The following AGGF1 variants were observed in gnomAD, a reference collection of about 807,000 sequenced individuals.
AGGF1 encodes angiogenic factor with G patch and FHA domains 1.
In AGGF1, 56 loss-of-function variants were observed where a neutral mutation model predicts 86.5. The ratio of observed to expected loss-of-function variants is 0.65; its 90% confidence interval spans 0.52 to 0.81. The LOEUF (loss-of-function observed/expected upper bound fraction) is 0.81, where lower values mean the gene tolerates loss of function less well. Among genes scored for constraint, AGGF1 ranks in the 30% least tolerant of loss-of-function variants. The pLI, the probability that AGGF1 is intolerant of heterozygous loss-of-function variation, is 0.00. For missense variants in AGGF1, 816 were observed against 850.9 expected (o/e 0.96, Z 0.51); for synonymous variants, 313 against 297.1 (o/e 1.05, Z -0.55).
chr5:77,054,959 A>G (rs909276450), intron 10 of AGGF1, among the ~76,000 whole-genome samples: 4 of 152,144 alleles, frequency 2.6e-5, no homozygotes, highest in Non-Finnish European at 5.9e-5. Context: ...ACTGTAGGAT[A>G]TTACTGTTTT....
At chr5:77,032,182 G>T (rs1239252358) in intron 1 of AGGF1, among the ~76,000 whole-genome samples, 7 of 143,348 alleles carry the variant, frequency 4.9e-5, no homozygotes, top group Non-Finnish European at 1.1e-4. Context: ...GACATTATTG[G>T]AAAGTTTTTG....
chr5:77,040,849 GTTCTGTCC>G (rs1221032209), intron 5 of AGGF1, among the ~76,000 whole-genome samples: 1 of 151,992 alleles, frequency 6.6e-6, no homozygotes, highest in Admixed American at 6.6e-5. Context: ...GTCCTGTCCT[GTTCTGTCC>G]TTCTGTCCTG....
intron 4 of AGGF1, among the ~76,000 whole-genome samples, chr5:77,037,208 A>G (rs1037851039): frequency 1.3e-5 from 2 of 152,212 alleles, no homozygotes; most frequent in Non-Finnish European, 2.9e-5. Flanking sequence ...CTTTATGTAT[A>G]AAAATAACAG....
At chr5:77,052,849 T>A in intron 9 of AGGF1, 42 bp downstream of exon 9, 1 of 1,480,254 alleles carries the variant, frequency 6.8e-7, no homozygotes, top group Non-Finnish European at 9.4e-7. Context: ...ACATTATTTT[T>A]AAACTGATTT....
chr5:77,063,818 T>C lies in AGGF1; in HGVS notation c.*566T>C, dbSNP rs1747613332. 6.3e-6 allele frequency: 1 copy of C among 158,420 alleles called. No homozygotes were observed. The highest frequency in any genetic ancestry group is 1.4e-5 in the Non-Finnish European group (1 of 71,808). The allele number at this position is 158,420 out of a possible 1,614,324, so 9.8% of individuals were successfully genotyped here. A position where few individuals can be genotyped will look rare whatever the true frequency, so the allele number is the denominator to read the frequency against. On this transcript the variant is annotated 3_prime_UTR_variant, in exon 14 of 14. Transcript: ENST00000312916. Reference sequence around the variant, plus strand: ...CATATTGTAGAAAATTAGTCTTTCATTGTTTTCTTCTGTGAAGAATCTGTT... The same window carrying C: ...CATATTGTAGAAAATTAGTCTTTCACTGTTTTCTTCTGTGAAGAATCTGTT...
intron 11 of AGGF1, among the ~76,000 whole-genome samples, chr5:77,058,533 T>TTTAA (rs1344786158): frequency 6.6e-6 from 1 of 152,158 alleles, no homozygotes; most frequent in Non-Finnish European, 1.5e-5. Flanking sequence ...ATAGAAGACA[T>TTTAA]TTAAGGAGAG....
At chr5:77,041,186 A>G (rs1194519055) in intron 5 of AGGF1, among the ~76,000 whole-genome samples, 1 of 152,208 alleles carries the variant, frequency 6.6e-6, no homozygotes, top group Non-Finnish European at 1.5e-5. Flanking sequence ...GTATGTGACT[A>G]AAATACTAAA....
At position 77,030,578 on chromosome 5, in the gene AGGF1, C is replaced by T. The variant is rs954551226; in HGVS notation, c.-189C>T. 2 of 740,796 alleles carry T rather than the reference C, an allele frequency of 2.7e-6. No individual in the cohort carries two copies. Among genetic ancestry groups the T allele is most frequent in the South Asian group, 3.0e-5 (2 of 67,582 alleles). 45.9% of individuals were successfully genotyped at this position (740,796 alleles called of 1,614,324 possible). A position where few individuals can be genotyped will look rare whatever the true frequency, so the allele number is the denominator to read the frequency against. On this transcript the variant is annotated 5_prime_UTR_variant, in exon 1 of 14. Coordinates refer to ENST00000312916, the MANE Select transcript of AGGF1 (RefSeq NM_018046.5). ...GCAGGGGCCATCCTCGGTCCCCTTG[C>T]TCGTTGCTCGCAGCCCCGTTCGGCT...
At chr5:77,051,639 G>A (rs868725224) in intron 8 of AGGF1, among the ~76,000 whole-genome samples, 5 of 152,290 alleles carry the variant, frequency 3.3e-5, no homozygotes, top group Non-Finnish European at 7.4e-5. Flanking sequence ...AAACAGTTAT[G>A]TAGTAAAGTT....
chr5:77,062,566 A>G (rs1205630489), intron 13 of AGGF1, among the ~76,000 whole-genome samples: 3 of 152,204 alleles, frequency 2.0e-5, no homozygotes, highest in South Asian at 2.1e-4. Flanking sequence ...TAAGCATTGT[A>G]CCTTACATTA....
chr5:77,064,297 G>A lies in AGGF1; in HGVS notation c.*1045G>A, dbSNP rs113215682. 34,518 of 152,092 alleles carry A rather than the reference G, an allele frequency of 0.23. 4,486 individuals are homozygous for A. The highest frequency in any genetic ancestry group is 0.29 in the Non-Finnish European group (19,511 of 67,954). 9.4% of individuals were successfully genotyped at this position (152,092 alleles called of 1,614,324 possible). On this transcript the variant is annotated 3_prime_UTR_variant, in exon 14 of 14. Coordinates refer to ENST00000312916, the MANE Select transcript of AGGF1 (RefSeq NM_018046.5). ...TTTTTCTGTTCAGTTTTTCTCTCAG[G>A]TGTTTGCTGGGAAATTAACACTGGA...
At chr5:77,047,782 TGCTGGG>T (rs1747298110) in intron 6 of AGGF1, among the ~76,000 whole-genome samples, 1 of 151,072 alleles carries the variant, frequency 6.6e-6, no homozygotes, top group Non-Finnish European at 1.5e-5. Context: ...CCCCCCAAAG[TGCTGGG>T]ATTATAGGTG....
chr5:77,055,562 A>C lies in AGGF1; in HGVS notation c.1682A>C (p.Glu561Ala), dbSNP rs759386069. The C allele has an allele frequency of 1.9e-6, 3 of 1,599,122 alleles. No individual in the cohort carries two copies. The African/African-American group carries it at 4.0e-5, about 21-fold the overall frequency. The part of the protein sequence containing the change: ...KEEKELERRK[E>A]LKKIRVKYGL... Reference sequence around the variant, plus strand: ...GAAAAAGAGTTGGAAAGAAGAAAAGAATTAAAGAAAATACGAGTAAAATAT... The same window carrying C: ...GAAAAAGAGTTGGAAAGAAGAAAAGCATTAAAGAAAATACGAGTAAAATAT... Residue 561 changes from glutamate to alanine, a missense_variant, in exon 11 of 14, where the codon GAA (glutamate) becomes GCA (alanine). This residue lies in a region of AGGF1 where 565 missense variants were observed against 585.8 expected (regional missense o/e 0.96). Coordinates refer to ENST00000312916, the MANE Select transcript of AGGF1 (RefSeq NM_018046.5).
intron 6 of AGGF1, among the ~76,000 whole-genome samples, chr5:77,047,542 C>T (rs1179865714): frequency 6.6e-6 from 1 of 152,128 alleles, no homozygotes; most frequent in African/African-American, 2.4e-5. Flanking sequence ...GAGACAGAGC[C>T]TTGCTCTATT....
Position 77,034,480 on chromosome 5 carries a change from A to T in AGGF1, c.273A>T (p.Val91=), listed in dbSNP as rs1272156558. 1 of 1,613,556 alleles carries T rather than the reference A, an allele frequency of 6.2e-7. No homozygotes were observed. Residue 91 remains valine, a synonymous_variant, in exon 2 of 14, where the codon GTA becomes GTT. Transcript: ENST00000312916. ...GRNEDNKKSD[V]EVQTENHAPW... ...ATGAAGATAATAAAAAGTCTGATGT[A>T]GAAGTACAAACAGAGAACCATGCTC...
chr5:77,033,059 A>G (rs1414144187), intron 1 of AGGF1, among the ~76,000 whole-genome samples: 1 of 152,218 alleles, frequency 6.6e-6, no homozygotes, highest in Non-Finnish European at 1.5e-5. Flanking sequence ...ACATGCCTCC[A>G]TTTTAGTCCA....
At chr5:77,058,799 C>T (rs1367238220) in intron 11 of AGGF1, among the ~76,000 whole-genome samples, 1 of 152,100 alleles carries the variant, frequency 6.6e-6, no homozygotes, top group Non-Finnish European at 1.5e-5. Flanking sequence ...AATTGACTAC[C>T]CCTTCTTTGT....
chr5:77,036,385 A>G (rs896151565), intron 3 of AGGF1, among the ~76,000 whole-genome samples, 171 bp from the exon 4 acceptor site: 1 of 152,230 alleles, frequency 6.6e-6, no homozygotes, highest in Non-Finnish European at 1.5e-5. Context: ...AGTTACTGAC[A>G]CACTAGTAAA....
At chr5:77,047,004 CTG>C (rs1393222531) in intron 6 of AGGF1, among the ~76,000 whole-genome samples, 2 of 151,930 alleles carry the variant, frequency 1.3e-5, no homozygotes, top group African/African-American at 4.8e-5. Context: ...ACTTTTGTAA[CTG>C]AGAGAGAAAA....
Sources: allele counts gnomAD v4.1 joint callset (sites outside exome capture counted in the v4.1 genomes callset), GRCh38; gene constraint gnomAD v4.1.1; regional missense constraint gnomAD v4.1.1; transcripts MANE v1.5; gene names NCBI Gene and HGNC (gene_info 2026-07-23, HGNC 2026-07-21).